IL34: variants seen among roughly 807,000 people sequenced by gnomAD.
IL34 encodes interleukin-34.
A neutral mutation model predicts 25.3 loss-of-function variants in IL34; 17 were observed. The observed-to-expected ratio is 0.67, with a 90% CI of 0.46 to 1.01. The LOEUF is 1.01. Among genes scored for constraint, IL34 ranks in the 50% least tolerant of loss-of-function variants. IL34 has a pLI of 0.00. For synonymous variants in IL34, 174 were observed against 140.9 expected, an observed-to-expected ratio of 1.23 and a Z score of -1.66; for missense variants, 368 against 312.9, an observed-to-expected ratio of 1.18 and a Z score of -1.33.
At chr16:70,590,090 A>G (rs2050735567) in intron 1 of IL34, among the ~76,000 whole-genome samples, 1 of 152,176 alleles carries the variant, frequency 6.6e-6, no homozygotes, top group Non-Finnish European at 1.5e-5. Flanking sequence ...AGACCCACCC[A>G]GGGGAGGGGC....
chr16:70,656,528 A>G, intron 2 of IL34, 74 bp from the exon 3 acceptor site: 2 of 847,168 alleles, frequency 2.4e-6, no homozygotes, highest in East Asian at 2.4e-5. Flanking sequence ...TAAAAAAAAC[A>G]TCATTTGGGA....
At chr16:70,637,798 G>A (rs908869499) in intron 1 of IL34, among the ~76,000 whole-genome samples, 2 of 152,120 alleles carry the variant, frequency 1.3e-5, no homozygotes, top group Non-Finnish European at 2.9e-5. Context: ...TGGGAGGTTT[G>A]ATTCTCATAG....
At chr16:70,608,126 CTT>C (rs869059231) in intron 1 of IL34, among the ~76,000 whole-genome samples, 5 of 38,860 alleles carry the variant, frequency 1.3e-4, no homozygotes, top group East Asian at 4.3e-4. Context: ...TTTCTTTTTT[CTT>C]TTTTTTTTTT....
At chr16:70,648,162 T>A (rs1256080044) in intron 1 of IL34, among the ~76,000 whole-genome samples, 1 of 152,204 alleles carries the variant, frequency 6.6e-6, no homozygotes, top group African/African-American at 2.4e-5. Flanking sequence ...TGGGAGTTCC[T>A]CTGCTCTTGA....
At chr16:70,592,370 G>A (rs1472497011) in intron 1 of IL34, among the ~76,000 whole-genome samples, 2 of 152,094 alleles carry the variant, frequency 1.3e-5, no homozygotes, top group East Asian at 3.9e-4. Flanking sequence ...GTAATAGAAG[G>A]CCCCTCCTCT....
At chr16:70,623,058 AG>A (rs1349524053) in intron 1 of IL34, among the ~76,000 whole-genome samples, 2 of 151,744 alleles carry the variant, frequency 1.3e-5, no homozygotes, top group Non-Finnish European at 2.9e-5. Context: ...CACGAGCAGC[AG>A]GGGGAGCACC....
intron 5 of IL34, 24 bp downstream of exon 5, chr16:70,659,777 G>T (rs760973135): frequency 1.3e-6 from 2 of 1,579,266 alleles, no homozygotes; most frequent in Admixed American, 1.8e-5. Flanking sequence ...AGGGGATGGC[G>T]CCTGGGGGTG....
At chr16:70,651,565 C>T (rs996536789) in intron 1 of IL34, among the ~76,000 whole-genome samples, 1 of 151,954 alleles carries the variant, frequency 6.6e-6, no homozygotes, top group Non-Finnish European at 1.5e-5. Context: ...GGGACAAAGG[C>T]GAGGCAGGAG....
chr16:70,660,112 G>GTCCCCCAGC lies in IL34; in HGVS notation c.660_668dup (p.Ser221_Pro223dup). On this transcript the variant is annotated inframe_insertion, in exon 6 of 6. Coordinates refer to ENST00000288098, the MANE Select transcript of IL34 (RefSeq NM_001393494.1). ...CCCAGCTGTACCCTCCGCCCCCGTGGTCCCCCAGCTCCCCGCCTCACTCCA... is the reference window on the plus strand; with the variant it reads ...CCCAGCTGTACCCTCCGCCCCCGTGGTCCCCCAGCTCCCCCAGCTCCCCGCCTCACTCCA... The GTCCCCCAGC allele has an allele frequency of 6.2e-7, 1 of 1,613,256 alleles. No homozygotes were observed. Among genetic ancestry groups the GTCCCCCAGC allele is most frequent in the Admixed American group, 1.7e-5 (1 of 59,940 alleles).
chr16:70,606,257 G>A (rs1457422273), intron 1 of IL34, among the ~76,000 whole-genome samples: 2 of 151,974 alleles, frequency 1.3e-5, no homozygotes, highest in Admixed American at 6.6e-5. Context: ...AATTAGCCAG[G>A]CGTGGTGGTG....
chr16:70,656,825 G>T, intron 3 of IL34, 135 bp from the exon 4 acceptor site: 2 of 1,119,808 alleles, frequency 1.8e-6, no homozygotes, highest in African/African-American at 1.5e-5. Context: ...CCTTGGCCCA[G>T]GCACATGTTT....
upstream of IL34, among the ~76,000 whole-genome samples, chr16:70,645,159 A>AC (rs1459824624): frequency 0.02 from 2,978 of 150,064 alleles, 104 homozygotes; most frequent in African/African-American, 0.07. Flanking sequence ...GAGGAGGAAG[A>AC]GAAGGAGGAA....
In IL34 at chr16:70,651,054, CA is replaced by C. The variant is rs534326656; in HGVS notation, c.29-3476del. 3.2e-3 allele frequency among the ~76,000 whole-genome samples: 487 copies of C among 151,942 alleles called. 1 individual carries two copies. The highest frequency in any genetic ancestry group is 0.011 in the African/African-American group (470 of 41,432). On this transcript the variant is annotated intron_variant, in intron 1 of 5. Coordinates refer to ENST00000288098, the MANE Select transcript of IL34 (RefSeq NM_001393494.1). ...TGAAACGCCGTCTCTACTAAAAATA[CA>C]AAAAAAATTAGCCGGATGTGGTGGC...
intron 1 of IL34, among the ~76,000 whole-genome samples, chr16:70,627,942 T>C (rs967034911): frequency 1.4e-4 from 21 of 152,224 alleles, no homozygotes; most frequent in African/African-American, 4.8e-4. Context: ...AGATTTCTGT[T>C]GGATATTTAC....
chr16:70,614,232 T>C (rs1365713734), intron 1 of IL34, among the ~76,000 whole-genome samples: 3 of 151,710 alleles, frequency 2.0e-5, no homozygotes, highest in Non-Finnish European at 4.4e-5. Flanking sequence ...CCCCAGACTT[T>C]CTGAGTGAGT....
At chr16:70,659,916 A>T in intron 5 of IL34, 81 bp from the exon 6 acceptor site, 1 of 1,485,922 alleles carries the variant, frequency 6.7e-7, no homozygotes, top group Non-Finnish European at 9.1e-7. Flanking sequence ...AGTGGGGGAC[A>T]AGCACATGCG....
chr16:70,653,101 G>A (rs1227517019), intron 1 of IL34, among the ~76,000 whole-genome samples: 3 of 152,176 alleles, frequency 2.0e-5, no homozygotes, highest in Non-Finnish European at 2.9e-5. Flanking sequence ...AGCTACTTGG[G>A]AGGCTGAGGC....
chr16:70,617,922 C>T (rs2051199285), intron 1 of IL34, among the ~76,000 whole-genome samples: 1 of 151,840 alleles, frequency 6.6e-6, no homozygotes, highest in African/African-American at 2.4e-5. Flanking sequence ...TCTACCTATC[C>T]AGTGAAAGTA....
intron 1 of IL34, among the ~76,000 whole-genome samples, chr16:70,599,134 A>C (rs1482570704): frequency 6.6e-6 from 1 of 152,234 alleles, no homozygotes; most frequent in African/African-American, 2.4e-5. Flanking sequence ...TTTGTCTTCA[A>C]GCATCTTTCT....
Sources: gnomAD v4.1 joint callset for allele counts (sites outside exome capture counted in the v4.1 genomes callset) on GRCh38, gnomAD v4.1.1 for gene constraint, MANE v1.5 for transcripts, NCBI Gene and HGNC (gene_info 2026-07-23, HGNC 2026-07-21) for gene names.